Variants in BANP observed in about 807,000 individuals in gnomAD.
The protein encoded by BANP is BTG3 associated nuclear protein.
A neutral mutation model predicts 68.1 loss-of-function variants in BANP; 11 were observed. The observed-to-expected ratio is 0.16, with a 90% CI of 0.10 to 0.27. The LOEUF (loss-of-function observed/expected upper bound fraction) is 0.27. Ranked by LOEUF, BANP falls within the 10% of genes least tolerant of loss-of-function variation. The pLI, the probability that BANP is intolerant of heterozygous loss-of-function variation, is 1.00. For synonymous variants in BANP, 329 were observed against 303.2 expected, an observed-to-expected ratio of 1.09 and a Z score of -0.88; for missense variants, 504 against 722.7, an observed-to-expected ratio of 0.70 and a Z score of 3.47.
At chr16:88,047,626 G>A (rs946364642) in intron 11 of BANP, among the ~76,000 whole-genome samples, 7 of 152,134 alleles carry the variant, frequency 4.6e-5, no homozygotes, top group African/African-American at 1.2e-4. Flanking sequence ...AATTCAGGGC[G>A]CCGGGCCTCA....
rs1490290175 is a variant in BANP at position 87,983,387 on chromosome 16, T to C, written c.163-673T>C. On this transcript the variant is annotated intron_variant, in intron 3 of 13. Transcript: ENST00000682872. ...GGTGGCTCCTGGCTGGGACGGCAGC[T>C]GGGGAAATGAAATTCTTCCCTTTCT... is the stretch of plus-strand genomic sequence containing the variant. Among the ~76,000 whole-genome samples, 3 of 152,310 alleles carry C rather than the reference T, an allele frequency of 2.0e-5. No individual in the cohort carries two copies. The East Asian group carries it at 5.8e-4, about 29-fold the overall frequency.
chr16:88,035,824 G>A (rs1381893043), intron 10 of BANP, among the ~76,000 whole-genome samples: 1 of 152,230 alleles, frequency 6.6e-6, no homozygotes, highest in Admixed American at 6.5e-5. Context: ...CGGGATTAGT[G>A]CCGATTTCAT....
intron 11 of BANP, among the ~76,000 whole-genome samples, chr16:88,063,405 A>G (rs910477106): frequency 3.9e-5 from 6 of 152,192 alleles, no homozygotes; most frequent in African/African-American, 1.4e-4. Context: ...TGCTTAGTTA[A>G]TAGGAATTCA....
intron 11 of BANP, among the ~76,000 whole-genome samples, chr16:88,047,233 C>T (rs1237805438): frequency 6.6e-6 from 1 of 152,098 alleles, no homozygotes; most frequent in Middle Eastern, 3.2e-3. Context: ...GGTCACGTAA[C>T]GCAGGACACC....
At chr16:87,951,617 G>GGCCGCCCGC (rs1425925174) in intron 1 of BANP, 102 bp downstream of exon 1, 2 of 149,756 alleles carry the variant, frequency 1.3e-5, no homozygotes, top group Non-Finnish European at 3.0e-5. Context: ...CCGCCCGCCG[G>GGCCGCCCGC]GCCGCCCGCG....
At chr16:88,073,322 G>A (rs146880436) in intron 13 of BANP, among the ~76,000 whole-genome samples, 21 of 152,320 alleles carry the variant, frequency 1.4e-4, no homozygotes, top group Admixed American at 1.2e-3. Context: ...AAGGACCCGT[G>A]TCCTGTAGAA....
intron 4 of BANP, among the ~76,000 whole-genome samples, chr16:87,991,118 C>G (rs1024740507): frequency 1.3e-5 from 2 of 152,174 alleles, no homozygotes; most frequent in Admixed American, 6.5e-5. Flanking sequence ...GGGCTGAGTA[C>G]TAGCCAAAGA....
At chr16:88,058,950 C>T (rs2085910340) in intron 11 of BANP, among the ~76,000 whole-genome samples, 1 of 152,150 alleles carries the variant, frequency 6.6e-6, no homozygotes, top group Non-Finnish European at 1.5e-5. Context: ...TCCTGGTGGG[C>T]CCCTGAGCCG....
intron 6 of BANP, among the ~76,000 whole-genome samples, chr16:88,016,376 A>G (rs2074559193): frequency 6.6e-6 from 1 of 152,132 alleles, no homozygotes; most frequent in Non-Finnish European, 1.5e-5. Flanking sequence ...GACCATCTCT[A>G]GCCATGGTGT....
At chr16:87,967,703 C>T (rs937738274) in intron 1 of BANP, among the ~76,000 whole-genome samples, 5 of 150,560 alleles carry the variant, frequency 3.3e-5, no homozygotes, top group African/African-American at 1.2e-4. Context: ...CTCATTGCAG[C>T]CTCCGCCTCC....
At chr16:87,958,948 T>TG (rs1457656511) in intron 1 of BANP, among the ~76,000 whole-genome samples, 1 of 152,042 alleles carries the variant, frequency 6.6e-6, no homozygotes, top group African/African-American at 2.4e-5. Context: ...AGAATTCTCA[T>TG]GGGGGAGGGA....
intron 11 of BANP, among the ~76,000 whole-genome samples, chr16:88,050,029 C>A (rs1234521107): frequency 6.6e-6 from 1 of 152,132 alleles, no homozygotes; most frequent in Admixed American, 6.5e-5. Context: ...TGGGCGTGGC[C>A]GGCTGGTGAG....
At chr16:88,028,582 G>A (rs2077463766) in intron 8 of BANP, among the ~76,000 whole-genome samples, 1 of 152,234 alleles carries the variant, frequency 6.6e-6, no homozygotes, top group Non-Finnish European at 1.5e-5. Flanking sequence ...TTTATTGAGT[G>A]ACCTGTGTTG....
chr16:88,023,367 C>T (rs1195411494), intron 7 of BANP, among the ~76,000 whole-genome samples: 4 of 152,148 alleles, frequency 2.6e-5, no homozygotes, highest in Admixed American at 2.6e-4. Context: ...AGAAGGTGGC[C>T]GGCTTGGCCT....
rs2085357628 is a variant in BANP at position 88,057,446 on chromosome 16, G to A, written c.1312-7821G>A. On this transcript the variant is annotated intron_variant, in intron 11 of 13. Transcript: ENST00000682872. This position sits in a 1 kb window ranked among gnomAD's most constrained non-coding sequence, Gnocchi z 4.6. ...TGGCTGAAGGTGAGCCTTCTCCAGG[G>A]GGATGCCCTGGAGACTCTTGCGGTC... Among the ~76,000 whole-genome samples the A allele has an allele frequency of 6.6e-6, 1 of 152,034 alleles. No homozygotes were observed. The highest frequency in any genetic ancestry group is 6.5e-5 in the Admixed American group (1 of 15,280).
chr16:88,061,744 C>A (rs1373521173), intron 11 of BANP, among the ~76,000 whole-genome samples: 2 of 151,832 alleles, frequency 1.3e-5, no homozygotes, highest in Non-Finnish European at 2.9e-5. Flanking sequence ...CGGCTCACCG[C>A]AACCTCTGCC....
At chr16:88,019,818 G>C (rs1343839754) in intron 7 of BANP, among the ~76,000 whole-genome samples, 1 of 152,156 alleles carries the variant, frequency 6.6e-6, no homozygotes, top group African/African-American at 2.4e-5. Context: ...CAGGAGCAGT[G>C]GGGGAGTGGA....
rs777153145 is a variant in BANP at position 87,957,365 on chromosome 16, A to G, written c.-69+5850A>G. The stretch of plus-strand genomic sequence containing the variant: ...GAAACACCTGAGGAAGGCTGGGCAG[A>G]ATGGATCGGGGGTGTGTATTGGCTG... On this transcript the variant is annotated intron_variant, in intron 1 of 13. Transcript: ENST00000682872. The surrounding 1 kb of genome is among the most constrained non-coding windows in gnomAD (Gnocchi z 4.3). 6.6e-6 allele frequency among the ~76,000 whole-genome samples: 1 copy of G among 152,138 alleles called. No homozygotes were observed. Among genetic ancestry groups the G allele is most frequent in the Non-Finnish European group, 1.5e-5 (1 of 68,022 alleles).
rs2077249574 is a variant in BANP at position 88,027,633 on chromosome 16, C to G, written c.1046C>G (p.Ser349Cys). 1 of 1,613,450 alleles carries G rather than the reference C, an allele frequency of 6.2e-7. No homozygotes were observed. Among genetic ancestry groups the G allele is most frequent in the East Asian group, 2.2e-5 (1 of 44,862 alleles). ...KSFSRRTPNS[S>C]SYCPSEPMMS... ...TTCTCGCGGAGAACGCCCAACTCGT[C>G]CTCCTACTGCCCTTCAGGTAGGCCT... The change falls in exon 8 of 14, where the codon TCC becomes TGC. Residue 349 changes from serine to cysteine, a missense_variant. This residue lies in a region of BANP where 223 missense variants were observed against 246.2 expected (regional missense o/e 0.91). Coordinates refer to ENST00000682872, the MANE Select transcript of BANP (RefSeq NM_001386991.1).
Sources: gnomAD v4.1 joint callset for allele counts (sites outside exome capture counted in the v4.1 genomes callset) on GRCh38, gnomAD v4.1.1 for gene constraint, gnomAD v4.1.1 regional missense constraint, Gnocchi (gnomAD v3.1) non-coding constraint, MANE v1.5 for transcripts, NCBI Gene and HGNC (gene_info 2026-07-23, HGNC 2026-07-21) for gene names.